Variants in AFDN observed in about 807,000 individuals in gnomAD.
AFDN encodes the protein afadin.
In AFDN, 68 loss-of-function variants were observed where a neutral mutation model predicts 216.6. The ratio of observed to expected loss-of-function variants is 0.31; its 90% CI spans 0.26 to 0.38. The LOEUF (loss-of-function observed/expected upper bound fraction) is 0.38, where lower values mean the gene tolerates loss of function less well. Ranked by LOEUF, AFDN falls within the 10% of genes least tolerant of loss-of-function variation. The pLI, the probability that AFDN is intolerant of heterozygous loss-of-function variation, is 1.00. For synonymous variants in AFDN, 868 were observed against 853.7 expected, an observed-to-expected ratio of 1.02 and a Z score of -0.29; for missense variants, 2,136 against 2,342.0, an observed-to-expected ratio of 0.91 and a Z score of 1.82.
At chr6:167,961,444 G>A (rs1797026266) in intron 30 of AFDN, among the ~76,000 whole-genome samples, 1 of 152,204 alleles carries the variant, frequency 6.6e-6, no homozygotes, top group Non-Finnish European at 1.5e-5. Context: ...TGCACTGGTT[G>A]TTAATCCAGG....
At chr6:167,932,938 G>T (rs1180261100) in intron 23 of AFDN, among the ~76,000 whole-genome samples, 1 of 152,078 alleles carries the variant, frequency 6.6e-6, no homozygotes, top group African/African-American at 2.4e-5. Context: ...CTACTTTTGT[G>T]CTGCAAATTC....
intron 1 of AFDN, among the ~76,000 whole-genome samples, chr6:167,859,081 T>G (rs1328068445): frequency 1.3e-5 from 2 of 151,284 alleles, no homozygotes; most frequent in African/African-American, 4.8e-5. Context: ...GTTTTTTTTT[T>G]TTTTTTTTTC....
intron 31 of AFDN, chr6:167,964,783 C>A (rs1413450383): frequency 9.4e-7 from 1 of 1,065,960 alleles, no homozygotes; most frequent in African/African-American, 1.6e-5. Context: ...ATTTACAATT[C>A]ATTGTACTTC....
At chr6:167,895,216 A>G (rs1413112545) in intron 9 of AFDN, among the ~76,000 whole-genome samples, 2 of 152,108 alleles carry the variant, frequency 1.3e-5, no homozygotes, top group Non-Finnish European at 2.9e-5. Flanking sequence ...GGTACAATTA[A>G]TGTAACAGAT....
intron 3 of AFDN, among the ~76,000 whole-genome samples, chr6:167,870,957 A>G (rs2128248755): frequency 6.6e-6 from 1 of 152,298 alleles, no homozygotes; most frequent in African/African-American, 2.4e-5. Context: ...GTGATTCTAC[A>G]ACTTCCTAGG....
Position 167,962,285 on chromosome 6 carries a change from C to T in AFDN, c.4834-148C>T. 1 of 1,187,720 alleles carries T rather than the reference C, an allele frequency of 8.4e-7. No individual in the cohort carries two copies. The allele number at this position is 1,187,720 out of a possible 1,614,324, so 73.6% of individuals were successfully genotyped here. Reference sequence around the variant, plus strand: ...AAAAAATTGTAAAAAGTTTTATTTTCCAACAGTGATTTTAACCTGGTATTT... The same window carrying T: ...AAAAAATTGTAAAAAGTTTTATTTTTCAACAGTGATTTTAACCTGGTATTT... On this transcript the variant is annotated intron_variant, in intron 30 of 33. Coordinates refer to ENST00000683244, the MANE Select transcript of AFDN (RefSeq NM_001386888.1). This position sits in a 1 kb window ranked among gnomAD's most constrained non-coding sequence, Gnocchi z 5.2.
chr6:167,964,534 C>T (rs1173979053), intron 31 of AFDN: 7 of 1,065,606 alleles, frequency 6.6e-6, no homozygotes, highest in Admixed American at 5.3e-5. Context: ...AAATTGGGCT[C>T]AGGGCAGTAA....
intron 19 of AFDN, 106 bp downstream of exon 19, chr6:167,915,539 T>G: frequency 7.3e-7 from 1 of 1,362,022 alleles, no homozygotes; most frequent in Non-Finnish European, 9.8e-7. Flanking sequence ...ACCCTCTTTT[T>G]GGGGTTTTTC....
intron 2 of AFDN, among the ~76,000 whole-genome samples, chr6:167,868,395 A>G (rs1784425509): frequency 6.6e-6 from 1 of 152,218 alleles, no homozygotes; most frequent in African/African-American, 2.4e-5. Flanking sequence ...CAAATTTTAT[A>G]GTAAATGCTG....
chr6:167,968,536 A>T (rs1377337008), intron 32 of AFDN: 1 of 152,628 alleles, frequency 6.6e-6, no homozygotes, highest in Non-Finnish European at 1.5e-5. Flanking sequence ...AGTATTTGCT[A>T]AATAGTTTGA....
chr6:167,864,802 G>A, intron 2 of AFDN, 56 bp downstream of exon 2: 1 of 1,540,710 alleles, frequency 6.5e-7, no homozygotes, highest in Non-Finnish European at 9.0e-7. Flanking sequence ...TGAAGAGACA[G>A]CTTGTCCAGG....
intron 23 of AFDN, among the ~76,000 whole-genome samples, chr6:167,931,695 G>C (rs564417514): frequency 6.6e-6 from 1 of 152,242 alleles, no homozygotes; most frequent in African/African-American, 2.4e-5. Flanking sequence ...ATAGGTATGT[G>C]GGTCTGCTTA....
At chr6:167,907,801 T>C (rs1193446394) in intron 13 of AFDN, among the ~76,000 whole-genome samples, 3 of 152,218 alleles carry the variant, frequency 2.0e-5, no homozygotes, top group Non-Finnish European at 4.4e-5. Flanking sequence ...TTTCTGACAT[T>C]GTTCTTGCCG....
intron 23 of AFDN, among the ~76,000 whole-genome samples, chr6:167,942,398 T>C (rs1271742228): frequency 2.0e-5 from 3 of 152,238 alleles, no homozygotes; most frequent in Non-Finnish European, 4.4e-5. Flanking sequence ...TATAACCTTG[T>C]CCATAATATC....
At chr6:167,860,432 T>A (rs1268671418) in intron 1 of AFDN, among the ~76,000 whole-genome samples, 1 of 152,134 alleles carries the variant, frequency 6.6e-6, no homozygotes, top group Non-Finnish European at 1.5e-5. Flanking sequence ...GGACCTAGAA[T>A]AGGGAATAAA....
intron 30 of AFDN, among the ~76,000 whole-genome samples, chr6:167,955,187 A>T (rs575853392): frequency 6.6e-6 from 1 of 152,328 alleles, no homozygotes; most frequent in Non-Finnish European, 1.5e-5. Flanking sequence ...TTGAAGACAA[A>T]TTCTAGTCAA....
At chr6:167,885,806 G>A (rs1786725100) in intron 6 of AFDN, among the ~76,000 whole-genome samples, 1 of 152,220 alleles carries the variant, frequency 6.6e-6, no homozygotes, top group Non-Finnish European at 1.5e-5. Context: ...ATATCCGTGA[G>A]GCACAATAAA....
At chr6:167,939,381 GA>G (rs1217685224) in intron 23 of AFDN, among the ~76,000 whole-genome samples, 1 of 152,166 alleles carries the variant, frequency 6.6e-6, no homozygotes, top group Non-Finnish European at 1.5e-5. Flanking sequence ...GAAAGCAGAG[GA>G]AAAAATAAGT....
At chr6:167,829,691 G>A (rs897947216) in intron 1 of AFDN, among the ~76,000 whole-genome samples, 3 of 151,278 alleles carry the variant, frequency 2.0e-5, no homozygotes, top group African/African-American at 7.3e-5. Flanking sequence ...TTTTTTTTTG[G>A]GTACAGTGAT....
Sources: allele counts gnomAD v4.1 joint callset (sites outside exome capture counted in the v4.1 genomes callset), GRCh38; gene constraint gnomAD v4.1.1; non-coding constraint Gnocchi (gnomAD v3.1); transcripts MANE v1.5; gene names NCBI Gene and HGNC (gene_info 2026-07-23, HGNC 2026-07-21).